Variants in HHAT observed in about 807,000 individuals in gnomAD.
HHAT encodes the protein hedgehog acyltransferase.
HHAT carries 47 observed loss-of-function variants against 70.8 expected under a neutral mutation model. That is an observed-to-expected ratio of 0.66 (90% confidence interval 0.53 to 0.85). The LOEUF (loss-of-function observed/expected upper bound fraction) is 0.85. Ranked by LOEUF, HHAT falls within the 40% of genes least tolerant of loss-of-function variation. The pLI is 0.00. For synonymous variants in HHAT, 228 were observed against 247.6 expected (o/e 0.92, Z 0.74); for missense variants, 609 against 604.8 (o/e 1.01, Z -0.07).
At chr1:210,475,511 C>T (rs907258309) in intron 8 of HHAT, among the ~76,000 whole-genome samples, 2 of 152,186 alleles carry the variant, frequency 1.3e-5, no homozygotes, top group Admixed American at 1.3e-4. Flanking sequence ...TTTTTACCTC[C>T]ACCTACATGA....
intron 9 of HHAT, among the ~76,000 whole-genome samples, chr1:210,573,579 A>C (rs1656883477): frequency 6.6e-6 from 1 of 152,208 alleles, no homozygotes; most frequent in Admixed American, 6.5e-5. Context: ...TGAGTACTTT[A>C]ATTTTAAAAA....
chr1:210,363,058 G>A, intron 3 of HHAT, 139 bp downstream of exon 3: 2 of 724,886 alleles, frequency 2.8e-6, no homozygotes, highest in Non-Finnish European at 4.8e-6. Context: ...GTAAAGGTGT[G>A]AGTGTGCTGT....
At chr1:210,490,952 T>C (rs952898423) in intron 8 of HHAT, among the ~76,000 whole-genome samples, 2 of 151,820 alleles carry the variant, frequency 1.3e-5, no homozygotes, top group Admixed American at 6.6e-5. Context: ...GGAAAAAAAA[T>C]CCATATGGAA....
chr1:210,649,447 G>A (rs1674688883), intron 11 of HHAT, among the ~76,000 whole-genome samples: 1 of 152,234 alleles, frequency 6.6e-6, no homozygotes, highest in Admixed American at 6.5e-5. Context: ...CACAGTGCTG[G>A]TCACACAGAA....
At chr1:210,610,598 T>C (rs572763011) in intron 10 of HHAT, among the ~76,000 whole-genome samples, 1 of 152,354 alleles carries the variant, frequency 6.6e-6, no homozygotes, top group African/African-American at 2.4e-5. Context: ...CCTGTGCCTA[T>C]GTCCTGAATA....
chr1:210,517,790 G>A (rs979925236), intron 9 of HHAT, among the ~76,000 whole-genome samples: 4 of 152,108 alleles, frequency 2.6e-5, no homozygotes, highest in African/African-American at 9.7e-5. Context: ...AAAACATGTT[G>A]TACACCATAA....
intron 6 of HHAT, among the ~76,000 whole-genome samples, chr1:210,405,062 G>A (rs1418231058): frequency 6.6e-6 from 1 of 152,190 alleles, no homozygotes; most frequent in Non-Finnish European, 1.5e-5. Flanking sequence ...TGTCTAAGCT[G>A]TTGCTTGGCA....
intron 7 of HHAT, among the ~76,000 whole-genome samples, chr1:210,442,762 G>A (rs1174353102): frequency 6.6e-6 from 1 of 152,166 alleles, no homozygotes; most frequent in Non-Finnish European, 1.5e-5. Flanking sequence ...CCCTTTGTCA[G>A]ATGAGTAGGT....
chr1:210,401,121 A>T (rs1356882783), intron 5 of HHAT, among the ~76,000 whole-genome samples: 5 of 152,106 alleles, frequency 3.3e-5, no homozygotes, highest in Non-Finnish European at 7.4e-5. Flanking sequence ...AGATTTATTT[A>T]TTCATTTGTA....
chr1:210,484,688 C>G (rs1312348746), intron 8 of HHAT, among the ~76,000 whole-genome samples: 1 of 152,146 alleles, frequency 6.6e-6, no homozygotes, highest in Non-Finnish European at 1.5e-5. Flanking sequence ...ACTAGGCATT[C>G]TTTTGAAAAC....
chr1:210,541,960 C>T (rs1020202097), intron 9 of HHAT, among the ~76,000 whole-genome samples: 2 of 152,170 alleles, frequency 1.3e-5, no homozygotes, highest in African/African-American at 4.8e-5. Flanking sequence ...AGCGTCAGCG[C>T]TTATTCCAGG....
chr1:210,669,854 G>A (rs1679727536), intron 11 of HHAT, among the ~76,000 whole-genome samples: 2 of 152,356 alleles, frequency 1.3e-5, no homozygotes, highest in South Asian at 2.1e-4. Flanking sequence ...TTAATGGGGA[G>A]AGAGACAGAG....
At position 210,663,814 on chromosome 1, in the gene HHAT, G is replaced by A. The variant is rs577851592; in HGVS notation, c.1391-10474G>A. ...TGTGGGGTGGGGCCCTGCAGTCTGC[G>A]TTTCAGCCTGTCCTCCAGGTGATTC... is the stretch of plus-strand genomic sequence containing the variant. On this transcript the variant is annotated intron_variant, in intron 11 of 11. Transcript: ENST00000261458. Among the ~76,000 whole-genome samples, 42 of 152,348 alleles carry A rather than the reference G, an allele frequency of 2.8e-4. 1 individual carries two copies. The South Asian group carries it at 5.6e-3, about 20-fold the overall frequency.
intron 11 of HHAT, among the ~76,000 whole-genome samples, chr1:210,662,920 T>C (rs550150677): frequency 2.8e-4 from 42 of 152,174 alleles, no homozygotes; most frequent in African/African-American, 9.9e-4. Flanking sequence ...TTTGTGCTGG[T>C]TAAAATGTGC....
chr1:210,646,306 T>C (rs1674055304), intron 11 of HHAT, among the ~76,000 whole-genome samples: 1 of 152,230 alleles, frequency 6.6e-6, no homozygotes, highest in African/African-American at 2.4e-5. Flanking sequence ...CATATTATTA[T>C]ACTAAAGCAG....
chr1:210,367,743 C>G (rs765087892), intron 3 of HHAT, among the ~76,000 whole-genome samples: 21 of 152,164 alleles, frequency 1.4e-4, no homozygotes, highest in Non-Finnish European at 2.4e-4. Context: ...TGATCTTTGT[C>G]ATTTCTTTGA....
At chr1:210,541,070 A>G (rs890728337) in intron 9 of HHAT, among the ~76,000 whole-genome samples, 2 of 152,164 alleles carry the variant, frequency 1.3e-5, no homozygotes, top group African/African-American at 4.8e-5. Flanking sequence ...TGAACTCCTG[A>G]GCTCAGGCAA....
intron 4 of HHAT, among the ~76,000 whole-genome samples, chr1:210,398,387 A>G (rs1386594640): frequency 1.3e-5 from 2 of 152,198 alleles, no homozygotes; most frequent in East Asian, 1.9e-4. Flanking sequence ...TTAGAACAGT[A>G]TTAAGTGTCG....
At chr1:210,403,621 T>C (rs1016834836) in intron 5 of HHAT, among the ~76,000 whole-genome samples, 2 of 152,232 alleles carry the variant, frequency 1.3e-5, no homozygotes, top group African/African-American at 4.8e-5. Context: ...GTGTACAGCT[T>C]TAAGAGACCC....
Sources: gnomAD v4.1 joint callset for allele counts (sites outside exome capture counted in the v4.1 genomes callset) on GRCh38, gnomAD v4.1.1 for gene constraint, MANE v1.5 for transcripts, NCBI Gene and HGNC (gene_info 2026-07-23, HGNC 2026-07-21) for gene names.